SATB2: variants seen among roughly 807,000 people sequenced by gnomAD.
SATB2 encodes DNA-binding protein SATB2.
SATB2 carries 1 observed loss-of-function variant against 73.4 expected under a neutral mutation model. The observed-to-expected ratio is 0.01, with a 90% CI of 0.00 to 0.06. The LOEUF (loss-of-function observed/expected upper bound fraction) is 0.06, where lower values mean the gene tolerates loss of function less well. SATB2 is among the 10% of genes least tolerant of loss of function. The pLI is 1.00. For missense variants in SATB2, 459 were observed against 945.8 expected, an observed-to-expected ratio of 0.49 and a Z score of 6.75; for synonymous variants, 397 against 367.0, an observed-to-expected ratio of 1.08 and a Z score of -0.93.
intron 2 of SATB2, among the ~76,000 whole-genome samples, chr2:199,454,852 C>T (rs1003203154): frequency 6.6e-6 from 1 of 151,996 alleles, no homozygotes; most frequent in Non-Finnish European, 1.5e-5. Context: ...GGGGTGGGAG[C>T]TTATCATTAA....
intron 3 of SATB2, among the ~76,000 whole-genome samples, chr2:199,409,624 C>G (rs1690750312): frequency 6.6e-6 from 1 of 151,098 alleles, no homozygotes; most frequent in African/African-American, 2.4e-5. Flanking sequence ...ATTTTCAACG[C>G]CTTACTTTAA....
At chr2:199,309,939 A>G (rs1687549096) in intron 9 of SATB2, among the ~76,000 whole-genome samples, 1 of 152,204 alleles carries the variant, frequency 6.6e-6, no homozygotes. Context: ...AAAGTTCCTG[A>G]CACGCATTAT....
chr2:199,448,600 T>C (rs6752494), intron 2 of SATB2, among the ~76,000 whole-genome samples: 28,482 of 152,036 alleles, frequency 0.19, 3,197 homozygotes, highest in East Asian at 0.46. Context: ...TGGAAAACAT[T>C]TGCTCTAACT....
chr2:199,335,026 T>TCACCCCATCCCCCA (rs1466050352), intron 7 of SATB2, among the ~76,000 whole-genome samples: 1 of 152,066 alleles, frequency 6.6e-6, no homozygotes, highest in African/African-American at 2.4e-5. Context: ...CTAAAAATAC[T>TCACCCCATCCCCCA]CACCCCATCC....
intron 3 of SATB2, among the ~76,000 whole-genome samples, chr2:199,421,202 C>T (rs1296150623): frequency 6.6e-6 from 1 of 152,092 alleles, no homozygotes; most frequent in African/African-American, 2.4e-5. Context: ...CCATCTCATA[C>T]TTGGTATGCT....
intron 7 of SATB2, among the ~76,000 whole-genome samples, chr2:199,332,160 T>C (rs1207817861): frequency 6.6e-6 from 1 of 152,148 alleles, no homozygotes; most frequent in Admixed American, 6.6e-5. Flanking sequence ...TATTAAAATA[T>C]ATTGCAAGTA....
intron 3 of SATB2, among the ~76,000 whole-genome samples, chr2:199,408,706 G>A (rs1003169707): frequency 6.6e-6 from 1 of 152,016 alleles, no homozygotes; most frequent in Admixed American, 6.6e-5. Context: ...AGAGTCTTAG[G>A]GAGGGCATGA....
intron 3 of SATB2, among the ~76,000 whole-genome samples, chr2:199,421,101 A>T (rs1032531391): frequency 1.3e-5 from 2 of 152,174 alleles, no homozygotes; most frequent in East Asian, 3.9e-4. Context: ...ATGACTCCAG[A>T]AATACACTCA....
intron 3 of SATB2, among the ~76,000 whole-genome samples, chr2:199,406,131 C>T (rs1422533737): frequency 6.6e-6 from 1 of 152,068 alleles, no homozygotes; most frequent in Non-Finnish European, 1.5e-5. Context: ...ACACTATGCC[C>T]TTTTATGTAA....
At chr2:199,328,293 C>A (rs1688087686) in intron 8 of SATB2, among the ~76,000 whole-genome samples, 1 of 152,198 alleles carries the variant, frequency 6.6e-6, no homozygotes, top group Admixed American at 6.5e-5. Context: ...GTAATCCCAG[C>A]ACTTTGGGAG....
At chr2:199,287,384 G>A (rs1692721195) in intron 10 of SATB2, among the ~76,000 whole-genome samples, 1 of 152,128 alleles carries the variant, frequency 6.6e-6, no homozygotes, top group Non-Finnish European at 1.5e-5. Flanking sequence ...CATTTAATAA[G>A]AAGAGACATC....
chr2:199,315,478 A>G (rs1487924187), intron 9 of SATB2, among the ~76,000 whole-genome samples: 1 of 151,918 alleles, frequency 6.6e-6, no homozygotes, highest in Non-Finnish European at 1.5e-5. Context: ...ATGTTAAGTG[A>G]TAAGGAGGGG....
At chr2:199,296,856 G>A (rs1180016608) in intron 10 of SATB2, among the ~76,000 whole-genome samples, 1 of 152,126 alleles carries the variant, frequency 6.6e-6, no homozygotes, top group Non-Finnish European at 1.5e-5. Flanking sequence ...TGGGTCAAAG[G>A]TTCATTGAAA....
At position 199,413,896 on chromosome 2, in the gene SATB2, A is replaced by C. The variant is rs559297544; in HGVS notation, c.346+19442T>G. 3.3e-5 allele frequency among the ~76,000 whole-genome samples: 5 copies of C among 151,514 alleles called. No individual in the cohort carries two copies. The East Asian group carries it at 9.7e-4, about 29-fold the overall frequency. On this transcript the variant is annotated intron_variant, in intron 3 of 10. Transcript: ENST00000417098. ...TGGACACCTACACGAGACAAATAAA[A>C]CTCCTGTTTGGTTAAGCCGCTGTTG...
At chr2:199,339,281 C>G (rs1358495033) in intron 7 of SATB2, among the ~76,000 whole-genome samples, 1 of 152,094 alleles carries the variant, frequency 6.6e-6, no homozygotes, top group East Asian at 1.9e-4. Flanking sequence ...ATCTACAGGG[C>G]TACCCTCAAG....
At chr2:199,448,930 G>A (rs1692046397) in intron 2 of SATB2, among the ~76,000 whole-genome samples, 1 of 152,082 alleles carries the variant, frequency 6.6e-6, no homozygotes, top group South Asian at 2.1e-4. Context: ...ACAGTACCAG[G>A]AGCAACTAAA....
At position 199,455,564 on chromosome 2, in the gene SATB2, C is replaced by T. The variant is rs1397579593; in HGVS notation, c.169+305G>A. 6.6e-6 allele frequency among the ~76,000 whole-genome samples: 1 copy of T among 152,246 alleles called. No individual in the cohort carries two copies. The highest frequency in any genetic ancestry group is 1.5e-5 in the Non-Finnish European group (1 of 68,040). On this transcript the variant is annotated intron_variant, in intron 2 of 10. Coordinates refer to ENST00000417098, the MANE Select transcript of SATB2 (RefSeq NM_001172509.2). The surrounding 1 kb of genome is among the most constrained non-coding windows in gnomAD (Gnocchi z 4.1). The stretch of plus-strand genomic sequence containing the variant: ...CCGAGGCAAGGCAAAAGAGTTAAAT[C>T]ACTAAAAAGCTCTCTAGGAAAATCT...
In SATB2 at chr2:199,435,425, T is replaced by C. The variant is rs894249632; in HGVS notation, c.170-1911A>G. 3.3e-5 allele frequency among the ~76,000 whole-genome samples: 5 copies of C among 152,064 alleles called. No homozygotes were observed. In the South Asian group the frequency reaches 1.0e-3, roughly 32 times the overall value. On this transcript the variant is annotated intron_variant, in intron 2 of 10. Transcript: ENST00000417098. Reference sequence around the variant, plus strand: ...GGGCAATGGTGCAATCTCGGCTCACTGCAACCTCCACCTCTCGGGTTCAAG... The same window carrying C: ...GGGCAATGGTGCAATCTCGGCTCACCGCAACCTCCACCTCTCGGGTTCAAG...
rs1426040332 is a variant in SATB2 at position 199,463,114 on chromosome 2, C to T, written c.-141+1722G>A. ...CCGCGGGCCGGGGGACCGGGGAAGA[C>T]GGAGGGTCCTGCGGCCTGGAGCACC... On this transcript the variant is annotated intron_variant, in intron 1 of 11. Transcript: ENST00000260926. The surrounding 1 kb of genome is among the most constrained non-coding windows in gnomAD (Gnocchi z 6.4). Among the ~76,000 whole-genome samples the T allele has an allele frequency of 1.3e-5, 2 of 152,022 alleles. No individual in the cohort carries two copies. The highest frequency in any genetic ancestry group is 2.9e-5 in the Non-Finnish European group (2 of 67,964).
Sources: gnomAD v4.1 joint callset for allele counts (sites outside exome capture counted in the v4.1 genomes callset) on GRCh38, gnomAD v4.1.1 for gene constraint, Gnocchi (gnomAD v3.1) non-coding constraint, MANE v1.5 for transcripts, NCBI Gene and HGNC (gene_info 2026-07-23, HGNC 2026-07-21) for gene names.